The following KLHDC1 variants were observed in gnomAD, a reference collection of about 807,000 sequenced individuals.
The protein encoded by KLHDC1 is kelch domain containing 1.
Under a neutral mutation model 68.3 loss-of-function variants are expected in KLHDC1, and 53 were observed. The observed-to-expected ratio is 0.78, with a 90% CI of 0.62 to 0.98. The LOEUF is 0.98. Ranked by LOEUF, KLHDC1 falls within the 50% of genes least tolerant of loss-of-function variation. The probability of loss-of-function intolerance (pLI) is 0.00; values close to 1 mark genes in which losing one functional copy is unlikely to be tolerated. For missense variants in KLHDC1, 470 were observed against 492.3 expected, an observed-to-expected ratio of 0.95 and a Z score of 0.43; for synonymous variants, 148 against 159.0, an observed-to-expected ratio of 0.93 and a Z score of 0.52.
intron 12 of KLHDC1, 26 bp from the exon 13 acceptor site, chr14:49,751,560 A>G (rs201873203): frequency 4.1e-6 from 5 of 1,233,894 alleles, no homozygotes; most frequent in Admixed American, 2.6e-5. Context: ...TTCAAGACTA[A>G]TAATTCTGTT....
At chr14:49,745,063 G>A (rs1201878809) in intron 12 of KLHDC1, among the ~76,000 whole-genome samples, 1 of 152,154 alleles carries the variant, frequency 6.6e-6, no homozygotes, top group Non-Finnish European at 1.5e-5. Context: ...AAGTTGCCCA[G>A]TGAACAAGTG....
intron 12 of KLHDC1, among the ~76,000 whole-genome samples, chr14:49,744,190 C>T (rs1889135959): frequency 6.6e-6 from 1 of 150,842 alleles, no homozygotes; most frequent in Non-Finnish European, 1.5e-5. Flanking sequence ...ACTAGGGAGG[C>T]TGAAGTGGGA....
intron 12 of KLHDC1, chr14:49,750,934 T>C (rs1889308146): frequency 6.6e-6 from 1 of 152,164 alleles, no homozygotes; most frequent in South Asian, 2.1e-4. Flanking sequence ...AAGTCAAGTG[T>C]GTAACCCCCG....
At chr14:49,721,294 A>AC (rs1566607789) in intron 4 of KLHDC1, among the ~76,000 whole-genome samples, 1 of 151,840 alleles carries the variant, frequency 6.6e-6, no homozygotes, top group Admixed American at 6.6e-5. Flanking sequence ...CACCTCAGCC[A>AC]CCTGAGTAGC....
chr14:49,744,510 T>TCTA (rs1889145831), intron 12 of KLHDC1, among the ~76,000 whole-genome samples: 1 of 152,156 alleles, frequency 6.6e-6, no homozygotes, highest in African/African-American at 2.4e-5. Context: ...CCTTGGTATT[T>TCTA]GTGGGGATCG....
chr14:49,749,403 C>T (rs192224418), intron 12 of KLHDC1, among the ~76,000 whole-genome samples: 496 of 152,190 alleles, frequency 3.3e-3, no homozygotes, highest in Non-Finnish European at 5.6e-3. Context: ...TGCAATGGCT[C>T]AAACCTGTAA....
At chr14:49,730,766 A>G (rs1888786590) in intron 8 of KLHDC1, among the ~76,000 whole-genome samples, 1 of 151,894 alleles carries the variant, frequency 6.6e-6, no homozygotes, top group Non-Finnish European at 1.5e-5. Context: ...TGAGGTCAGG[A>G]GTTTGAGACC....
At chr14:49,699,792 A>G (rs1887849705) in intron 1 of KLHDC1, among the ~76,000 whole-genome samples, 1 of 152,170 alleles carries the variant, frequency 6.6e-6, no homozygotes, top group Non-Finnish European at 1.5e-5. Context: ...GTCGATTCTA[A>G]TTGGTATCAG....
chr14:49,704,023 A>G (rs544292429), intron 1 of KLHDC1, among the ~76,000 whole-genome samples: 1 of 152,344 alleles, frequency 6.6e-6, no homozygotes, highest in Non-Finnish European at 1.5e-5. Context: ...ATTATTTGGA[A>G]ATGTCAGACT....
At position 49,702,074 on chromosome 14, in the gene KLHDC1, A is replaced by G. The variant is rs1251846357; in HGVS notation, c.97-7085A>G. On this transcript the variant is annotated intron_variant, in intron 1 of 12. Coordinates refer to ENST00000359332, the MANE Select transcript of KLHDC1 (RefSeq NM_172193.3). ...TCCCAGCTACTCGGGAGGCTGAGGC[A>G]GGATAATCGCTTGAACCTGGGAGGC... is the stretch of plus-strand genomic sequence containing the variant. Among the ~76,000 whole-genome samples, 13 of 151,900 alleles carry G rather than the reference A, an allele frequency of 8.6e-5. No homozygotes were observed. In the East Asian group the frequency reaches 2.1e-3, roughly 25 times the overall value.
intron 4 of KLHDC1, among the ~76,000 whole-genome samples, chr14:49,713,832 A>T (rs1399125339): frequency 0.024 from 47 of 1,930 alleles, 3 homozygotes; most frequent in Non-Finnish European, 0.052. Flanking sequence ...ATATATATAT[A>T]TATATATATA....
chr14:49,720,185 C>T (rs1183389370), intron 4 of KLHDC1, among the ~76,000 whole-genome samples: 5 of 152,212 alleles, frequency 3.3e-5, no homozygotes, highest in South Asian at 2.1e-4. Flanking sequence ...GGGGTTTCTC[C>T]ATGTTGGTCG....
At chr14:49,704,943 C>T (rs952182822) in intron 1 of KLHDC1, among the ~76,000 whole-genome samples, 4 of 152,126 alleles carry the variant, frequency 2.6e-5, no homozygotes, top group Admixed American at 2.0e-4. Context: ...ACTCATGAAG[C>T]TTACAGTTTA....
chr14:49,722,480 G>A (rs968931891), intron 4 of KLHDC1, among the ~76,000 whole-genome samples: 2 of 152,162 alleles, frequency 1.3e-5, no homozygotes, highest in Non-Finnish European at 2.9e-5. Flanking sequence ...ATTCCATGGT[G>A]TGTATGTGCC....
chr14:49,697,875 TTAGAG>T (rs775887992), intron 1 of KLHDC1, among the ~76,000 whole-genome samples: 4 of 152,022 alleles, frequency 2.6e-5, no homozygotes, highest in Non-Finnish European at 5.9e-5. Flanking sequence ...AAGGAGTCGA[TTAGAG>T]TAAGTAACTT....
chr14:49,699,752 G>T (rs534023292), intron 1 of KLHDC1, among the ~76,000 whole-genome samples: 42 of 152,266 alleles, frequency 2.8e-4, no homozygotes, highest in African/African-American at 9.9e-4. Flanking sequence ...ACCCCCAGAG[G>T]TAAGAGTGAT....
chr14:49,706,304 A>C (rs1888048449), intron 1 of KLHDC1, among the ~76,000 whole-genome samples: 1 of 152,176 alleles, frequency 6.6e-6, no homozygotes, highest in South Asian at 2.1e-4. Flanking sequence ...TATTGTAAAT[A>C]ACAGGATCTC....
At chr14:49,705,437 C>G (rs570762575) in intron 1 of KLHDC1, among the ~76,000 whole-genome samples, 3 of 130,080 alleles carry the variant, frequency 2.3e-5, no homozygotes, top group Non-Finnish European at 4.7e-5. Context: ...GGCATGATCT[C>G]AGGTTACTGC....
At position 49,693,169 on chromosome 14, in the gene KLHDC1, C is replaced by T. The variant is rs191010066; in HGVS notation, c.-26C>T. 779 of 1,568,116 alleles carry T rather than the reference C, an allele frequency of 5.0e-4. 14 individuals carry two copies. The East Asian group carries it at 0.016, about 33-fold the overall frequency. ...CGGGCGGGCAGGGGTTGTGGCGCGGCAAGCGGCGGGCCAGCGACGGCGCGA... is the reference window on the plus strand; with the variant it reads ...CGGGCGGGCAGGGGTTGTGGCGCGGTAAGCGGCGGGCCAGCGACGGCGCGA... On this transcript the variant is annotated 5_prime_UTR_variant, in exon 1 of 13. Coordinates refer to ENST00000359332, the MANE Select transcript of KLHDC1 (RefSeq NM_172193.3).
Sources: allele counts gnomAD v4.1 joint callset (sites outside exome capture counted in the v4.1 genomes callset), GRCh38; gene constraint gnomAD v4.1.1; transcripts MANE v1.5; gene names NCBI Gene and HGNC (gene_info 2026-07-23, HGNC 2026-07-21).